The following ZNRF3 variants were observed in gnomAD, a reference collection of about 807,000 sequenced individuals.
ZNRF3 encodes the protein zinc and ring finger 3, also known as E3 ubiquitin-protein ligase ZNRF3.
A neutral mutation model predicts 72.5 loss-of-function variants in ZNRF3; 23 were observed. That is an observed-to-expected ratio of 0.32 (90% CI 0.23 to 0.45). ZNRF3 has a LOEUF of 0.45. Ranked by LOEUF, ZNRF3 falls within the 20% of genes least tolerant of loss-of-function variation. The probability of loss-of-function intolerance (pLI) is 1.00; values close to 1 mark genes in which losing one functional copy is unlikely to be tolerated. For missense variants in ZNRF3, 1,169 were observed against 1,272.1 expected, an observed-to-expected ratio of 0.92 and a Z score of 1.23; for synonymous variants, 610 against 545.3, an observed-to-expected ratio of 1.12 and a Z score of -1.65.
At chr22:28,992,109 T>C (rs2035963624) in intron 2 of ZNRF3, among the ~76,000 whole-genome samples, 1 of 152,090 alleles carries the variant, frequency 6.6e-6, no homozygotes, top group Non-Finnish European at 1.5e-5. Context: ...GCCATGATCA[T>C]GCCACTGCTC....
At chr22:28,994,605 G>A (rs1050438431) in intron 2 of ZNRF3, among the ~76,000 whole-genome samples, 3 of 152,094 alleles carry the variant, frequency 2.0e-5, no homozygotes, top group Non-Finnish European at 4.4e-5. Flanking sequence ...TGTTTAATGG[G>A]TATGAAGCTT....
rs1160388136 is a variant in ZNRF3, at chr22:29,030,643, T to C, written c.427-11852T>C. 1.4e-5 allele frequency among the ~76,000 whole-genome samples: 2 copies of C among 139,248 alleles called. No individual in the cohort carries two copies. The highest frequency in any genetic ancestry group is 3.0e-5 in the Non-Finnish European group (2 of 66,058). 91.4% of individuals were successfully genotyped at this position (139,248 alleles called of 152,430 possible). On this transcript the variant is annotated intron_variant, in intron 2 of 8. Coordinates refer to ENST00000544604, the MANE Select transcript of ZNRF3 (RefSeq NM_001206998.2). The surrounding 1 kb of genome is among the most constrained non-coding windows in gnomAD (Gnocchi z 4.2). ...GCGGCCGGTGGCGAGGAGGGCACTT[T>C]CCCGGGTCGGAGAAGGCCGGATGGC...
At position 29,055,064 on chromosome 22, in the gene ZNRF3, G is replaced by A. The variant is rs1197447867; in HGVS notation, c.*1442G>A. On this transcript the variant is annotated 3_prime_UTR_variant, in exon 9 of 9. Transcript: ENST00000544604. ...TTCCAGCCTTTTTTATTAAGGGGAA[G>A]GGGAGAGTTTAAAAACCCAAACCGT... 6.5e-6 allele frequency: 1 copy of A among 152,736 alleles called. No individual in the cohort carries two copies. The highest frequency in any genetic ancestry group is 2.4e-5 in the African/African-American group (1 of 41,442). The allele number at this position is 152,736 out of a possible 1,614,324, so 9.5% of individuals were successfully genotyped here.
At chr22:29,035,402 T>C (rs2036849177) in intron 2 of ZNRF3, among the ~76,000 whole-genome samples, 1 of 152,192 alleles carries the variant, frequency 6.6e-6, no homozygotes, top group Non-Finnish European at 1.5e-5. Context: ...CTTAGGGAGA[T>C]GGTCATTAAA....
chr22:28,987,539 G>A (rs1360164433), intron 2 of ZNRF3, among the ~76,000 whole-genome samples: 1 of 152,110 alleles, frequency 6.6e-6, no homozygotes. Flanking sequence ...TACACCCTTG[G>A]GCCAGATGTT....
At chr22:28,997,596 C>G (rs1427153045) in intron 2 of ZNRF3, among the ~76,000 whole-genome samples, 1 of 152,136 alleles carries the variant, frequency 6.6e-6, no homozygotes. Flanking sequence ...GATCTTAAAG[C>G]TGAACAGCTG....
intron 1 of ZNRF3, among the ~76,000 whole-genome samples, chr22:28,893,375 G>A (rs1293142404): frequency 6.6e-6 from 1 of 152,032 alleles, no homozygotes; most frequent in East Asian, 1.9e-4. Context: ...ATGCACCCGT[G>A]GTATAATTTG....
chr22:28,926,967 C>A (rs951116719), intron 1 of ZNRF3, among the ~76,000 whole-genome samples: 1 of 150,080 alleles, frequency 6.7e-6, no homozygotes, highest in Non-Finnish European at 1.5e-5. Flanking sequence ...ACTAAAAATA[C>A]AAAAATTAGC....
At chr22:29,038,253 T>G (rs1262847107) in intron 2 of ZNRF3, among the ~76,000 whole-genome samples, 1 of 151,764 alleles carries the variant, frequency 6.6e-6, no homozygotes, top group Admixed American at 6.6e-5. Flanking sequence ...TCTGTGAGAG[T>G]GATTGGTTCA....
At chr22:28,944,943 A>G in intron 1 of ZNRF3, among the ~76,000 whole-genome samples, 1 of 148,620 alleles carries the variant, frequency 6.7e-6, no homozygotes. Context: ...ATAAATAAAT[A>G]AATAAATAAA....
intron 1 of ZNRF3, among the ~76,000 whole-genome samples, chr22:28,884,369 C>T (rs1238219928): frequency 6.6e-6 from 1 of 152,226 alleles, no homozygotes; most frequent in Non-Finnish European, 1.5e-5. Context: ...TTAGGTCTGC[C>T]TCAGGTGGAA....
chr22:29,016,567 C>T (rs1473628785), intron 2 of ZNRF3, among the ~76,000 whole-genome samples: 1 of 152,154 alleles, frequency 6.6e-6, no homozygotes, highest in Non-Finnish European at 1.5e-5. Context: ...GGGATTTTTG[C>T]AAATTACCTG....
chr22:28,937,198 TATATATATATATA>T (rs1569252607), intron 1 of ZNRF3, among the ~76,000 whole-genome samples: 8 of 2,924 alleles, frequency 2.7e-3, no homozygotes, highest in African/African-American at 4.0e-3. Flanking sequence ...TATATATATA[TATATATATATATA>T]TATATTTTTT....
rs943507617 is a variant in ZNRF3, at chr22:29,007,752, C to CTTTTT, written c.426+20569_426+20573dup. ...CCTTTCATAGAAATTCCATTTCTTC[C>CTTTTT]TTTTTTTTTTTTTTTTTTTTTTGAG... On this transcript the variant is annotated intron_variant, in intron 2 of 8. Transcript: ENST00000544604. Among the ~76,000 whole-genome samples the CTTTTT allele has an allele frequency of 5.5e-4, 24 of 43,660 alleles. 1 individual carries two copies. Among genetic ancestry groups the CTTTTT allele is most frequent in the South Asian group, 2.0e-3 (3 of 1,530 alleles). 28.6% of individuals were successfully genotyped at this position (43,660 alleles called of 152,430 possible).
chr22:29,007,536 G>A (rs894369368), intron 2 of ZNRF3, among the ~76,000 whole-genome samples: 22 of 152,068 alleles, frequency 1.4e-4, no homozygotes, highest in African/African-American at 4.6e-4. Context: ...CAGCTACTCA[G>A]GAGGCTGAGA....
rs889171200 is a variant in ZNRF3 at position 28,883,803 on chromosome 22, GGCC to G, written c.53_55del (p.Arg18del). The G allele has an allele frequency of 4.6e-4, 450 of 978,300 alleles. 12 individuals carry two copies. In the South Asian group the frequency reaches 0.016, roughly 34 times the overall value. The allele number at this position is 978,300 out of a possible 1,614,324, so 60.6% of individuals were successfully genotyped here. ...CTCGGGCGGGCGCCCAGGGGCCACG[GGCC>G]GCCGCCGCCGCCGCCTGCGCCGCCG... On this transcript the variant is annotated inframe_deletion, in exon 1 of 9. Coordinates refer to ENST00000544604, the MANE Select transcript of ZNRF3 (RefSeq NM_001206998.2). The surrounding 1 kb of genome is among the most constrained non-coding windows in gnomAD (Gnocchi z 5.5).
At chr22:29,041,838 C>T (rs1285917400) in intron 2 of ZNRF3, among the ~76,000 whole-genome samples, 2 of 152,082 alleles carry the variant, frequency 1.3e-5, no homozygotes, top group Non-Finnish European at 2.9e-5. Context: ...TTCAGAAATA[C>T]TCAATATATT....
At chr22:28,931,776 C>T (rs373110820) in intron 1 of ZNRF3, among the ~76,000 whole-genome samples, 1 of 152,188 alleles carries the variant, frequency 6.6e-6, no homozygotes, top group African/African-American at 2.4e-5. Flanking sequence ...CTAGGCAAAC[C>T]AGATCCTAGC....
At position 29,050,270 on chromosome 22, in the gene ZNRF3, C is replaced by T. The variant is rs1404715232; in HGVS notation, c.2089C>T (p.Leu697Phe). ...GGCTTCTCCTGGGGCCGCCCCTGAC[C>T]TCAGGAGGACCTGGAAGGGGGGCCA... ...LEASPGAAPDLRRTWKGGHEL... is the reference protein window; with the variant it reads ...LEASPGAAPDFRRTWKGGHEL... The change falls in exon 8 of 9, where the codon CTC (leucine) becomes TTC (phenylalanine). Residue 697 changes from leucine (L) to phenylalanine (F), a missense_variant. Leu to Phe is a conservative substitution (Grantham distance 22). This residue lies in a region of ZNRF3 where 783 missense variants were observed against 731.4 expected (regional missense o/e 1.07). Transcript: ENST00000544604. The T allele has an allele frequency of 6.3e-7, 1 of 1,597,906 alleles. No homozygotes were observed. Among genetic ancestry groups the T allele is most frequent in the Non-Finnish European group, 8.5e-7 (1 of 1,178,802 alleles).
Sources: gnomAD v4.1 joint callset for allele counts (sites outside exome capture counted in the v4.1 genomes callset) on GRCh38, gnomAD v4.1.1 for gene constraint, gnomAD v4.1.1 regional missense constraint, Gnocchi (gnomAD v3.1) non-coding constraint, MANE v1.5 for transcripts, NCBI Gene and HGNC (gene_info 2026-07-23, HGNC 2026-07-21) for gene names.